GPR158: variants seen among roughly 807,000 people sequenced by gnomAD.
The protein encoded by GPR158 is G protein-coupled receptor 158.
A neutral mutation model predicts 78.2 loss-of-function variants in GPR158; 30 were observed. The ratio of observed to expected loss-of-function variants is 0.38; its 90% CI spans 0.29 to 0.52. The LOEUF is 0.52. Ranked by LOEUF, GPR158 falls within the 20% of genes least tolerant of loss-of-function variation. GPR158 has a pLI of 0.83. For synonymous variants in GPR158, 581 were observed against 591.1 expected (o/e 0.98, Z 0.25); for missense variants, 1,463 against 1,523.5 (o/e 0.96, Z 0.66).
At chr10:25,524,530 A>T (rs139157315) in intron 5 of GPR158, among the ~76,000 whole-genome samples, 53 of 152,336 alleles carry the variant, frequency 3.5e-4, no homozygotes, top group African/African-American at 1.2e-3. Context: ...AGAATGTTCA[A>T]TGGGGAAAGA....
chr10:25,365,532 C>A (rs1481969508), intron 2 of GPR158, among the ~76,000 whole-genome samples: 1 of 151,662 alleles, frequency 6.6e-6, no homozygotes, highest in Non-Finnish European at 1.5e-5. Context: ...CTGAGTTTTG[C>A]ATAATTCTTA....
At chr10:25,587,502 T>C (rs1837283266) in intron 7 of GPR158, among the ~76,000 whole-genome samples, 1 of 152,134 alleles carries the variant, frequency 6.6e-6, no homozygotes, top group Non-Finnish European at 1.5e-5. Flanking sequence ...GAAATGAAAG[T>C]TGGAGATTTC....
chr10:25,215,258 A>G (rs1208771064), intron 1 of GPR158, among the ~76,000 whole-genome samples: 2 of 152,226 alleles, frequency 1.3e-5, no homozygotes, highest in Admixed American at 6.5e-5. Flanking sequence ...GAAATAAGCC[A>G]GTCATGAAAA....
At chr10:25,491,386 T>C (rs946562223) in intron 5 of GPR158, among the ~76,000 whole-genome samples, 1 of 152,184 alleles carries the variant, frequency 6.6e-6, no homozygotes, top group African/African-American at 2.4e-5. Context: ...ACATATTTTC[T>C]ACATGAATGG....
rs1453024028 is a variant in GPR158 at position 25,324,833 on chromosome 10, T to C, written c.1009-71078T>C. Among the ~76,000 whole-genome samples, 11 of 144,284 alleles carry C rather than the reference T, an allele frequency of 7.6e-5. No individual in the cohort carries two copies. In the South Asian group the frequency reaches 2.2e-3, roughly 29 times the overall value. The allele number at this position is 144,284 out of a possible 152,430, so 94.7% of individuals were successfully genotyped here. A position where few individuals can be genotyped will look rare whatever the true frequency, so the allele number is the denominator to read the frequency against. ...TAATTGTATTTTCTTTTTTCTTTCT[T>C]TTTTTTTTTTTTTTTGAGACATTGA... On this transcript the variant is annotated intron_variant, in intron 2 of 10. Coordinates refer to ENST00000376351, the MANE Select transcript of GPR158 (RefSeq NM_020752.3).
chr10:25,237,986 C>G (rs2130702652), intron 2 of GPR158, among the ~76,000 whole-genome samples: 1 of 152,118 alleles, frequency 6.6e-6, no homozygotes, highest in South Asian at 2.1e-4. Flanking sequence ...ACTTCACTGT[C>G]TCTTCTGTTT....
intron 7 of GPR158, among the ~76,000 whole-genome samples, chr10:25,586,208 C>G (rs535654902): frequency 1.5e-4 from 23 of 152,036 alleles, no homozygotes; most frequent in Admixed American, 8.5e-4. Context: ...AAGGCTGACC[C>G]GAAGGCCAGA....
intron 2 of GPR158, among the ~76,000 whole-genome samples, chr10:25,312,433 C>T (rs1282512976): frequency 6.6e-6 from 1 of 152,070 alleles, no homozygotes; most frequent in Non-Finnish European, 1.5e-5. Flanking sequence ...TTTTCTTAAA[C>T]TTGAATTTTG....
intron 2 of GPR158, among the ~76,000 whole-genome samples, chr10:25,234,679 T>C (rs887526660): frequency 2.6e-5 from 4 of 152,134 alleles, no homozygotes; most frequent in Admixed American, 2.6e-4. Context: ...TAAAGACCAA[T>C]TTGTTTGTCT....
At chr10:25,355,664 A>C (rs1020481238) in intron 2 of GPR158, among the ~76,000 whole-genome samples, 1 of 152,070 alleles carries the variant, frequency 6.6e-6, no homozygotes. Context: ...CTGTTTGCTT[A>C]AAGATTCTTT....
At chr10:25,319,131 T>C (rs1198951343) in intron 2 of GPR158, among the ~76,000 whole-genome samples, 1 of 152,214 alleles carries the variant, frequency 6.6e-6, no homozygotes, top group Non-Finnish European at 1.5e-5. Flanking sequence ...TCTCTGGGTC[T>C]GTTTCTTTAA....
intron 4 of GPR158, among the ~76,000 whole-genome samples, chr10:25,416,994 T>C (rs1834671786): frequency 6.6e-6 from 1 of 152,102 alleles, no homozygotes; most frequent in Non-Finnish European, 1.5e-5. Context: ...CAGGAAGGGC[T>C]TTCCTGGAGT....
At chr10:25,316,355 A>G (rs1240528898) in intron 2 of GPR158, among the ~76,000 whole-genome samples, 1 of 152,222 alleles carries the variant, frequency 6.6e-6, no homozygotes, top group Non-Finnish European at 1.5e-5. Context: ...ATAAATACAT[A>G]TAACAGTTCT....
intron 5 of GPR158, among the ~76,000 whole-genome samples, chr10:25,511,124 G>C (rs1836079846): frequency 6.6e-6 from 1 of 152,126 alleles, no homozygotes. Flanking sequence ...TTTCCACGCT[G>C]TTTACAATAG....
chr10:25,410,536 A>G (rs1834569485), intron 3 of GPR158, among the ~76,000 whole-genome samples: 2 of 152,110 alleles, frequency 1.3e-5, no homozygotes, highest in Admixed American at 1.3e-4. Flanking sequence ...GAATCACTTG[A>G]ACCTAGGAGG....
chr10:25,574,636 C>CA (rs1345766107), intron 7 of GPR158, among the ~76,000 whole-genome samples: 2 of 152,104 alleles, frequency 1.3e-5, no homozygotes, highest in Non-Finnish European at 2.9e-5. Context: ...CCTGTAATCC[C>CA]AGCACTTTGG....
chr10:25,425,753 C>CTT (rs981048509), intron 4 of GPR158, among the ~76,000 whole-genome samples: 1 of 152,064 alleles, frequency 6.6e-6, no homozygotes, highest in African/African-American at 2.4e-5. Context: ...GCCTCTTCTG[C>CTT]TTTAGCACTC....
chr10:25,420,718 C>T (rs895555255), intron 4 of GPR158, among the ~76,000 whole-genome samples: 34 of 152,290 alleles, frequency 2.2e-4, no homozygotes, highest in African/African-American at 7.9e-4. Flanking sequence ...TTGTTGAAGA[C>T]ATAGTCCTTT....
intron 5 of GPR158, among the ~76,000 whole-genome samples, chr10:25,505,918 G>A (rs568725850): frequency 1.9e-3 from 288 of 152,236 alleles, no homozygotes; most frequent in African/African-American, 2.7e-3. Flanking sequence ...ACCAGTACAC[G>A]TTTGTCATTG....
Sources: allele counts gnomAD v4.1 joint callset (sites outside exome capture counted in the v4.1 genomes callset), GRCh38; gene constraint gnomAD v4.1.1; transcripts MANE v1.5; gene names NCBI Gene and HGNC (gene_info 2026-07-23, HGNC 2026-07-21).